EXOSC10: variants seen among roughly 807,000 people sequenced by gnomAD.
EXOSC10 encodes exosome complex component 10.
In EXOSC10, 94 loss-of-function variants were observed where a neutral mutation model predicts 126.6. The observed-to-expected ratio is 0.74, with a 90% confidence interval of 0.63 to 0.88. EXOSC10 has a LOEUF of 0.88. Among genes scored for constraint, EXOSC10 ranks in the 40% least tolerant of loss-of-function variants. The pLI, the probability that EXOSC10 is intolerant of heterozygous loss-of-function variation, is 0.00. For missense variants in EXOSC10, 1,041 were observed against 1,100.5 expected (o/e 0.95, Z 0.77); for synonymous variants, 395 against 400.8 (o/e 0.99, Z 0.17).
chr1:11,077,233 T>G, intron 16 of EXOSC10, 132 bp downstream of exon 16: 1 of 900,052 alleles, frequency 1.1e-6, no homozygotes, highest in Non-Finnish European at 1.7e-6. Flanking sequence ...TCAGGTGATC[T>G]ACCCGCCTCA....
In EXOSC10 at chr1:11,073,949, T is replaced by G. The variant is rs376441584; in HGVS notation, c.2142A>C (p.Ser714=). 1.9e-6 allele frequency: 3 copies of G among 1,612,148 alleles called. No homozygotes were observed. Among genetic ancestry groups the G allele is most frequent in the Non-Finnish European group, 2.5e-6 (3 of 1,179,168 alleles). ...PVSQAAKFDP[S]TKIYEISNRW... Reference sequence around the variant, plus strand: ...GTCCACTTACTTCATAGATTTTGGTTGATGGATCGAACTTCGCTGCCTGAG... The same window carrying G: ...GTCCACTTACTTCATAGATTTTGGTGGATGGATCGAACTTCGCTGCCTGAG... The change falls in exon 19 of 25, where the codon TCA becomes TCC. Residue 714 remains serine (S), a synonymous_variant. Coordinates refer to ENST00000376936, the MANE Select transcript of EXOSC10 (RefSeq NM_001001998.3).
chr1:11,076,149 G>A (rs112387779), intron 17 of EXOSC10, among the ~76,000 whole-genome samples: 1 of 151,754 alleles, frequency 6.6e-6, no homozygotes, highest in Non-Finnish European at 1.5e-5. Context: ...TGTGCAACAA[G>A]AGCGAAACTC....
chr1:11,068,773 A>C (rs1004637527), intron 22 of EXOSC10, 67 bp from the exon 23 acceptor site: 5 of 1,296,482 alleles, frequency 3.9e-6, no homozygotes, highest in Non-Finnish European at 5.6e-6. Context: ...ACAGGCTCAC[A>C]GCGAGGCCGG....
intron 9 of EXOSC10, 27 bp from the exon 10 acceptor site, chr1:11,082,905 T>C (rs748621245): frequency 6.3e-7 from 1 of 1,577,132 alleles, no homozygotes; most frequent in Non-Finnish European, 8.7e-7. Context: ...AGTCATGCAG[T>C]ACACTGGTAG....
chr1:11,068,553 T>G, intron 23 of EXOSC10, 92 bp downstream of exon 23: 1 of 939,156 alleles, frequency 1.1e-6, no homozygotes, highest in South Asian at 1.3e-5. Flanking sequence ...TGCAAAGGAA[T>G]GGACTCCTGG....
At chr1:11,069,103 G>T (rs935608364) in intron 22 of EXOSC10, among the ~76,000 whole-genome samples, 5 of 152,152 alleles carry the variant, frequency 3.3e-5, no homozygotes, top group African/African-American at 1.2e-4. Flanking sequence ...GGAGCATGTT[G>T]CTCCGAAGGC....
intron 9 of EXOSC10, among the ~76,000 whole-genome samples, chr1:11,084,623 GT>G (rs1413811330): frequency 5.9e-5 from 9 of 152,178 alleles, no homozygotes; most frequent in African/African-American, 1.9e-4. Flanking sequence ...AAGCTCTTTA[GT>G]TTAATTAGAT....
chr1:11,075,287 G>A (rs917884850), intron 17 of EXOSC10, among the ~76,000 whole-genome samples: 1 of 152,138 alleles, frequency 6.6e-6, no homozygotes, highest in Non-Finnish European at 1.5e-5. Flanking sequence ...CAAAAGTGCT[G>A]GGATTACAGG....
In EXOSC10 at chr1:11,069,708, C is replaced by T; in HGVS notation, c.2339G>A (p.Arg780Lys). 1 of 1,611,686 alleles carries T rather than the reference C, an allele frequency of 6.2e-7. No individual in the cohort carries two copies. Among genetic ancestry groups the T allele is most frequent in the Non-Finnish European group, 8.5e-7 (1 of 1,178,946 alleles). ...QVVLENAAKK[R>K]ERATSDPRTT... ...CCTTGGGTCGCTTGTTGCTCGCTCTCTCTTCTTTGCAGCATTTTCTAGCTG... is the reference window on the plus strand; with the variant it reads ...CCTTGGGTCGCTTGTTGCTCGCTCTTTCTTCTTTGCAGCATTTTCTAGCTG... Residue 780 changes from arginine (R) to lysine (K), a missense_variant, in exon 22 of 25, where the codon AGA (arginine) becomes AAA (lysine). Arg to Lys is a conservative substitution (Grantham distance 26). This residue lies in a region of EXOSC10 where 388 missense variants were observed against 415.2 expected (regional missense o/e 0.93). Transcript: ENST00000376936.
Position 11,077,539 on chromosome 1 carries a change from C to T in EXOSC10, c.1800+62G>A. On this transcript the variant is annotated intron_variant, in intron 15 of 24. Coordinates refer to ENST00000376936, the MANE Select transcript of EXOSC10 (RefSeq NM_001001998.3). ...AGCACAGGCCTCTGTCAGAGGTGTA[C>T]TTGCACTGGCTGTGACTTGACGTTT... The T allele has an allele frequency of 1.9e-6, 3 of 1,607,854 alleles. No homozygotes were observed. The South Asian group carries it at 3.3e-5, about 18-fold the overall frequency.
At chr1:11,082,072 T>G (rs1570820417) in intron 10 of EXOSC10, among the ~76,000 whole-genome samples, 1 of 145,368 alleles carries the variant, frequency 6.9e-6, no homozygotes, top group South Asian at 2.2e-4. Context: ...ACAGTGAAAC[T>G]GCATCTCAAA....
In EXOSC10 at chr1:11,090,888, C is replaced by A. The variant is rs111802965; in HGVS notation, c.643+126G>T. On this transcript the variant is annotated intron_variant, in intron 5 of 24. Coordinates refer to ENST00000376936, the MANE Select transcript of EXOSC10 (RefSeq NM_001001998.3). The stretch of plus-strand genomic sequence containing the variant: ...CACTTCAGCCTCTGGAATAGCTGAA[C>A]TGGGCTCCCTTTGAACAAAGGAGGG... 5.8e-4 allele frequency: 647 copies of A among 1,119,604 alleles called. 5 individuals carry two copies. In the African/African-American group the frequency reaches 8.3e-3, roughly 14 times the overall value. 69.4% of individuals were successfully genotyped at this position (1,119,604 alleles called of 1,614,324 possible). A position where few individuals can be genotyped will look rare whatever the true frequency, so the allele number is the denominator to read the frequency against.
chr1:11,094,127 A>G (rs1373007290), intron 3 of EXOSC10, among the ~76,000 whole-genome samples: 2 of 152,070 alleles, frequency 1.3e-5, no homozygotes, highest in Non-Finnish European at 2.9e-5. Flanking sequence ...CAGATTCAGA[A>G]TAAGGCACTT....
At chr1:11,077,729 G>A in intron 14 of EXOSC10, 78 bp from the exon 15 acceptor site, 1 of 1,244,000 alleles carries the variant, frequency 8.0e-7, no homozygotes, top group South Asian at 1.4e-5. Flanking sequence ...AGCGCTGACT[G>A]TATTCCTTCA....
intron 20 of EXOSC10, 76 bp downstream of exon 20, chr1:11,072,011 G>A: frequency 1.7e-6 from 2 of 1,206,756 alleles, no homozygotes. Flanking sequence ...CGCCGTATCT[G>A]GCACTTGGCT....
intron 9 of EXOSC10, among the ~76,000 whole-genome samples, chr1:11,086,089 G>T (rs1490662044): frequency 2.7e-5 from 4 of 150,024 alleles, no homozygotes; most frequent in African/African-American, 7.3e-5. Context: ...TCTCTTTTTT[G>T]GTTGTGTCTC....
chr1:11,090,474 T>G (rs555260983), intron 6 of EXOSC10, 80 bp downstream of exon 6: 1 of 1,122,128 alleles, frequency 8.9e-7, no homozygotes, highest in African/African-American at 1.5e-5. Context: ...ATTGTTTTCA[T>G]GTATATACTC....
At position 11,066,747 on chromosome 1, in the gene EXOSC10, C is replaced by G. The variant is rs1276955481; in HGVS notation, c.2629G>C (p.Gly877Arg). Residue 877 changes from glycine to arginine, a missense_variant and splice_region_variant, in exon 25 of 25, where the codon GGC (glycine) becomes CGC (arginine). Around this residue, in one of 3 missense-constraint regions of EXOSC10, gnomAD observed 388 missense variants for 415.2 expected, o/e 0.93. Transcript: ENST00000376936. ...CTCTGTGGCCAGTTGTACCTGAAGC[C>G]TCTGCAGAGAGTACAAAAACAACAG... ...MSFPTGKSDR[G>R]FRYNWPQR The G allele has an allele frequency of 6.2e-7, 1 of 1,614,204 alleles. No homozygotes were observed. The highest frequency in any genetic ancestry group is 1.7e-5 in the Admixed American group (1 of 60,018).
intron 20 of EXOSC10, chr1:11,071,308 T>C (rs1639476015): frequency 3.2e-6 from 1 of 308,734 alleles, no homozygotes; most frequent in South Asian, 9.1e-5. Context: ...ACCAGCTACT[T>C]TGGCTGCCAG....
Sources: gnomAD v4.1 joint callset for allele counts (sites outside exome capture counted in the v4.1 genomes callset) on GRCh38, gnomAD v4.1.1 for gene constraint, gnomAD v4.1.1 regional missense constraint, MANE v1.5 for transcripts, NCBI Gene and HGNC (gene_info 2026-07-23, HGNC 2026-07-21) for gene names.